AHCYL2: variants seen among roughly 807,000 people sequenced by gnomAD.
AHCYL2 encodes the protein S-adenosylhomocysteine hydrolase-like protein 2.
In AHCYL2, 28 loss-of-function variants were observed where a neutral mutation model predicts 81.4. The ratio of observed to expected loss-of-function variants is 0.34; its 90% CI spans 0.25 to 0.47. The LOEUF (loss-of-function observed/expected upper bound fraction) is 0.47, where lower values mean the gene tolerates loss of function less well. Ranked by LOEUF, AHCYL2 falls within the 20% of genes least tolerant of loss-of-function variation. The probability of loss-of-function intolerance (pLI) is 1.00; values close to 1 mark genes in which losing one functional copy is unlikely to be tolerated. For missense variants in AHCYL2, 551 were observed against 785.1 expected, an observed-to-expected ratio of 0.70 and a Z score of 3.56; for synonymous variants, 272 against 290.2, an observed-to-expected ratio of 0.94 and a Z score of 0.64.
Position 129,426,481 on chromosome 7 carries a change from G to A in AHCYL2, c.1747G>A (p.Ala583Thr). 1.2e-6 allele frequency: 2 copies of A among 1,614,036 alleles called. No homozygotes were observed. The highest frequency in any genetic ancestry group is 1.7e-6 in the Non-Finnish European group (2 of 1,179,972). ...CAGCCTACACCTGCCTACCTTTGAT[G>A]CCCACTTGACAGAGCTGACAGATGA... The part of the protein sequence containing the change: ...VASLHLPTFD[A>T]HLTELTDEQA... The change falls in exon 16 of 17, where the codon GCC (alanine) becomes ACC (threonine). Residue 583 changes from alanine (A) to threonine (T), a missense_variant. By Grantham distance (58) the Ala-to-Thr change is moderately conservative. This residue lies in a region of AHCYL2 where 316 missense variants were observed against 543.1 expected (regional missense o/e 0.58). Transcript: ENST00000325006. This position sits in a 1 kb window ranked among gnomAD's most constrained non-coding sequence, Gnocchi z 4.3.
intron 1 of AHCYL2, among the ~76,000 whole-genome samples, chr7:129,253,586 C>T (rs1035771039): frequency 2.6e-5 from 4 of 152,092 alleles, no homozygotes; most frequent in African/African-American, 9.7e-5. Flanking sequence ...TAAATATAAT[C>T]CCAGAGTTAT....
chr7:129,394,484 G>A (rs1297471521), intron 4 of AHCYL2, among the ~76,000 whole-genome samples: 1 of 43,340 alleles, frequency 2.3e-5, no homozygotes, highest in Non-Finnish European at 4.2e-5. Flanking sequence ...TTTTGCTCTT[G>A]TTGCCCAGGC....
chr7:129,364,157 T>C (rs748045214), intron 1 of AHCYL2, among the ~76,000 whole-genome samples: 6 of 152,110 alleles, frequency 3.9e-5, no homozygotes, highest in Non-Finnish European at 7.4e-5. Flanking sequence ...CAGGATCACT[T>C]GAGCCTGGGA....
chr7:129,296,160 CT>C (rs1046621123), intron 1 of AHCYL2, among the ~76,000 whole-genome samples: 7 of 152,036 alleles, frequency 4.6e-5, no homozygotes, highest in African/African-American at 1.7e-4. Flanking sequence ...AGGATTACCC[CT>C]ATGATAGTTA....
At chr7:129,276,832 C>T (rs978226391) in intron 1 of AHCYL2, among the ~76,000 whole-genome samples, 2 of 151,130 alleles carry the variant, frequency 1.3e-5, no homozygotes, top group Non-Finnish European at 2.9e-5. Context: ...TAAGACAAAG[C>T]CCTGCAAAGA....
intron 1 of AHCYL2, among the ~76,000 whole-genome samples, chr7:129,379,126 T>C (rs1179271620): frequency 6.6e-6 from 1 of 151,544 alleles, no homozygotes; most frequent in Admixed American, 6.6e-5. Context: ...ACTAAAAATA[T>C]AAAAATTAGC....
At chr7:129,263,395 CTT>C (rs1795709775) in intron 1 of AHCYL2, among the ~76,000 whole-genome samples, 1 of 152,196 alleles carries the variant, frequency 6.6e-6, no homozygotes. Flanking sequence ...TGTGGCCAAA[CTT>C]GATATCAACT....
At chr7:129,411,690 T>C (rs1796586605) in intron 11 of AHCYL2, among the ~76,000 whole-genome samples, 2 of 148,374 alleles carry the variant, frequency 1.3e-5, no homozygotes, top group Non-Finnish European at 1.5e-5. Flanking sequence ...ACCTGGAAGG[T>C]GGAGGTTGCA....
chr7:129,259,718 C>T (rs1302145164), intron 1 of AHCYL2, among the ~76,000 whole-genome samples: 1 of 152,174 alleles, frequency 6.6e-6, no homozygotes, highest in African/African-American at 2.4e-5. Flanking sequence ...AACGACGACT[C>T]ACTCTGTTGT....
intron 3 of AHCYL2, 146 bp downstream of exon 3, chr7:129,389,345 C>T: frequency 1.2e-6 from 1 of 813,644 alleles, no homozygotes; most frequent in Non-Finnish European, 1.8e-6. Flanking sequence ...GTTCAAGAAA[C>T]ACTGGGGAAA....
At chr7:129,274,475 T>C (rs1261559016) in intron 1 of AHCYL2, among the ~76,000 whole-genome samples, 1 of 152,144 alleles carries the variant, frequency 6.6e-6, no homozygotes, top group African/African-American at 2.4e-5. Context: ...CAGAGGGTGG[T>C]CTGTGGTAGC....
intron 1 of AHCYL2, among the ~76,000 whole-genome samples, chr7:129,251,034 A>C (rs1171897235): frequency 6.6e-6 from 1 of 152,240 alleles, no homozygotes; most frequent in Non-Finnish European, 1.5e-5. Context: ...TCTATGGGGA[A>C]AGATTCTGTG....
rs1794213895 is a variant in AHCYL2, at chr7:129,368,538, T to C, written c.364-11100T>C. The C allele has an allele frequency of 1.2e-6, 2 of 1,613,928 alleles. No individual in the cohort carries two copies. The highest frequency in any genetic ancestry group is 1.7e-5 in the Admixed American group (1 of 60,010). On this transcript the variant is annotated intron_variant, in intron 1 of 16. Coordinates refer to ENST00000325006, the MANE Select transcript of AHCYL2 (RefSeq NM_015328.4). The surrounding 1 kb of genome is among the most constrained non-coding windows in gnomAD (Gnocchi z 4.4). The stretch of plus-strand genomic sequence containing the variant: ...AATGAGGGCACCTCAGCTTTTCACA[T>C]GCCTGAGTGGATGGTGAGTTCACTG...
chr7:129,322,717 G>A (rs1353005094), intron 1 of AHCYL2, among the ~76,000 whole-genome samples: 6 of 152,014 alleles, frequency 3.9e-5, no homozygotes, highest in Admixed American at 6.6e-5. Context: ...TCACCCTCCC[G>A]AGTAGCTGGG....
chr7:129,373,555 G>A (rs1333497891), intron 1 of AHCYL2, among the ~76,000 whole-genome samples: 3 of 151,722 alleles, frequency 2.0e-5, no homozygotes, highest in Admixed American at 6.6e-5. Flanking sequence ...AGCCGAGATC[G>A]CGCCACTGCA....
chr7:129,316,286 A>T (rs1475750547), intron 1 of AHCYL2, among the ~76,000 whole-genome samples: 1 of 152,208 alleles, frequency 6.6e-6, no homozygotes, highest in Non-Finnish European at 1.5e-5. Flanking sequence ...TGCAGGGTTG[A>T]CTGAATTCCA....
intron 1 of AHCYL2, among the ~76,000 whole-genome samples, chr7:129,265,044 A>G (rs58533709): frequency 3.4e-3 from 513 of 152,354 alleles, no homozygotes; most frequent in African/African-American, 0.012. Context: ...AATCTGGTCA[A>G]TTGTAATCCA....
At chr7:129,338,282 A>C (rs1051723922) in intron 1 of AHCYL2, among the ~76,000 whole-genome samples, 1 of 151,642 alleles carries the variant, frequency 6.6e-6, no homozygotes, top group Non-Finnish European at 1.5e-5. Context: ...CTGAGTAGCT[A>C]GGACTAAAGG....
intron 12 of AHCYL2, among the ~76,000 whole-genome samples, chr7:129,416,293 C>G (rs939638635): frequency 1.3e-5 from 2 of 152,102 alleles, no homozygotes; most frequent in Admixed American, 1.3e-4. Flanking sequence ...AGCTGTTGTT[C>G]TAAATGCTTG....
Sources: allele counts gnomAD v4.1 joint callset (sites outside exome capture counted in the v4.1 genomes callset), GRCh38; gene constraint gnomAD v4.1.1; regional missense constraint gnomAD v4.1.1; non-coding constraint Gnocchi (gnomAD v3.1); transcripts MANE v1.5; gene names NCBI Gene and HGNC (gene_info 2026-07-23, HGNC 2026-07-21).